LRBA: variants seen among roughly 807,000 people sequenced by gnomAD.
The protein encoded by LRBA is LPS responsive beige-like anchor protein, also known as lipopolysaccharide-responsive and beige-like anchor protein.
A neutral mutation model predicts 330.0 loss-of-function variants in LRBA; 176 were observed. The ratio of observed to expected loss-of-function variants is 0.53; its 90% CI spans 0.47 to 0.60. The LOEUF is 0.60. LRBA is among the 20% of genes least tolerant of loss of function. LRBA has a pLI of 0.00. For synonymous variants in LRBA, 1,230 were observed against 1,193.0 expected (o/e 1.03, Z -0.64); for missense variants, 3,259 against 3,444.8 (o/e 0.95, Z 1.35).
intron 47 of LRBA, among the ~76,000 whole-genome samples, chr4:150,394,884 C>T (rs1744507577): frequency 6.6e-6 from 1 of 152,132 alleles, no homozygotes; most frequent in African/African-American, 2.4e-5. Context: ...CAGTGAGTAC[C>T]TGAATAAACA....
chr4:150,870,538 C>G lies in LRBA; in HGVS notation c.2436G>C (p.Lys812Asn), dbSNP rs764962013. ...KQHPDPDSSVKIQNPQILKVI... is the reference protein window; with the variant it reads ...KQHPDPDSSVNIQNPQILKVI... ...TAAAATACATACGAGGGTTTTGTAT[C>G]TTCACTGAAGAATCAGGATCTGGAT... Residue 812 changes from lysine (K) to asparagine (N), a missense_variant, in exon 20 of 57, where the codon AAG (lysine) becomes AAC (asparagine). Lys to Asn is a moderately conservative substitution (Grantham distance 94). Coordinates refer to ENST00000651943, the MANE Select transcript of LRBA (RefSeq NM_001364905.1). 1.0e-5 allele frequency: 16 copies of G among 1,581,658 alleles called. 1 individual carries two copies. In the East Asian group the frequency reaches 3.6e-4, roughly 35 times the overall value.
chr4:150,415,408 G>A, intron 47 of LRBA, 30 bp downstream of exon 47: 1 of 1,602,742 alleles, frequency 6.2e-7, no homozygotes, highest in Non-Finnish European at 8.5e-7. Context: ...AAAAGCTCAT[G>A]ACAGACAGAG....
intron 7 of LRBA, 95 bp downstream of exon 7, chr4:150,916,306 C>T (rs2149489226): frequency 7.9e-7 from 1 of 1,260,684 alleles, no homozygotes; most frequent in Non-Finnish European, 1.1e-6. Flanking sequence ...CGAAGTTGTG[C>T]TTTAGCATGT....
At chr4:150,346,783 A>AAAAAAAAAAC (rs1736408222) in intron 48 of LRBA, among the ~76,000 whole-genome samples, 2 of 133,470 alleles carry the variant, frequency 1.5e-5, no homozygotes, top group African/African-American at 5.2e-5. Flanking sequence ...AAAAAAAAAA[A>AAAAAAAAAAC]AAAACACTTA....
intron 41 of LRBA, 29 bp from the exon 42 acceptor site, chr4:150,487,863 A>C (rs1433786458): frequency 8.0e-7 from 1 of 1,255,100 alleles, no homozygotes; most frequent in Non-Finnish European, 1.1e-6. Flanking sequence ...AAAAATTAGA[A>C]CACAGTATAA....
At chr4:150,455,964 C>A (rs915809491) in intron 44 of LRBA, among the ~76,000 whole-genome samples, 1 of 152,066 alleles carries the variant, frequency 6.6e-6, no homozygotes, top group Non-Finnish European at 1.5e-5. Context: ...AGCATAATGA[C>A]CTCTAGTTCT....
At chr4:150,800,954 C>G (rs543976453) in intron 33 of LRBA, among the ~76,000 whole-genome samples, 1 of 152,296 alleles carries the variant, frequency 6.6e-6, no homozygotes, top group Non-Finnish European at 1.5e-5. Context: ...AGATATATCA[C>G]TTCAGTGAAA....
At chr4:150,981,677 G>C (rs760472740) in intron 2 of LRBA, among the ~76,000 whole-genome samples, 1 of 151,710 alleles carries the variant, frequency 6.6e-6, no homozygotes, top group Non-Finnish European at 1.5e-5. Context: ...ACACACATTG[G>C]GGGCCGGACA....
intron 9 of LRBA, among the ~76,000 whole-genome samples, chr4:150,913,165 T>C (rs1007741595): frequency 1.3e-5 from 2 of 152,174 alleles, no homozygotes; most frequent in African/African-American, 4.8e-5. Flanking sequence ...GAATGTTCTG[T>C]GTGTGCTTAA....
intron 40 of LRBA, among the ~76,000 whole-genome samples, chr4:150,545,247 T>C (rs1238791805): frequency 1.3e-5 from 2 of 152,180 alleles, no homozygotes; most frequent in African/African-American, 2.4e-5. Flanking sequence ...AACTTTGGCA[T>C]ATATATGAGC....
chr4:150,501,774 G>A (rs750074338), intron 40 of LRBA, among the ~76,000 whole-genome samples: 2 of 152,074 alleles, frequency 1.3e-5, no homozygotes, highest in Admixed American at 6.5e-5. Flanking sequence ...GAGTAACAGG[G>A]CCTGGATTTA....
intron 37 of LRBA, among the ~76,000 whole-genome samples, chr4:150,667,960 T>C (rs1215836233): frequency 6.6e-6 from 1 of 152,212 alleles, no homozygotes; most frequent in Admixed American, 6.5e-5. Flanking sequence ...CCAGAACAAC[T>C]GTGTTATTCA....
chr4:150,945,676 C>T (rs1396857344), intron 2 of LRBA, among the ~76,000 whole-genome samples: 1 of 151,946 alleles, frequency 6.6e-6, no homozygotes, highest in Admixed American at 6.5e-5. Context: ...ATGACAATGT[C>T]AGTAATATAG....
At chr4:150,708,115 C>G (rs1452372785) in intron 36 of LRBA, among the ~76,000 whole-genome samples, 1 of 151,490 alleles carries the variant, frequency 6.6e-6, no homozygotes, top group African/African-American at 2.4e-5. Flanking sequence ...TCACAAGTAA[C>G]AGGCGCATCA....
rs770038706 is a variant in LRBA, at chr4:150,583,345, C to A, written c.6330+4703G>T. 1.2e-6 allele frequency: 2 copies of A among 1,614,064 alleles called. No individual in the cohort carries two copies. The highest frequency in any genetic ancestry group is 1.3e-5 in the African/African-American group (1 of 74,940). ...CGCAGTGCTCAAACTGAGCGATGGG[C>A]GGAAGCGGAGCATGTCTCTCTGGGT... is the stretch of plus-strand genomic sequence containing the variant. On this transcript the variant is annotated intron_variant, in intron 40 of 56. Coordinates refer to ENST00000651943, the MANE Select transcript of LRBA (RefSeq NM_001364905.1). This position sits in a 1 kb window ranked among gnomAD's most constrained non-coding sequence, Gnocchi z 9.8.
At chr4:150,639,809 GTGTGTGTGTGTA>G (rs1778419293) in intron 37 of LRBA, among the ~76,000 whole-genome samples, 9 of 6,120 alleles carry the variant, frequency 1.5e-3, no homozygotes, top group East Asian at 8.0e-3. Flanking sequence ...ATATATATGT[GTGTGTGTGTGTA>G]TATATATATA....
At chr4:150,869,388 C>A (rs2407549) in intron 20 of LRBA, among the ~76,000 whole-genome samples, 105,339 of 152,106 alleles carry the variant, frequency 0.69, 42,206 homozygotes, top group Non-Finnish European at 0.9. Flanking sequence ...TTTAAATCTC[C>A]AGAATTTAGC....
At chr4:150,329,195 G>C (rs943543054) in intron 48 of LRBA, among the ~76,000 whole-genome samples, 6 of 152,144 alleles carry the variant, frequency 3.9e-5, no homozygotes, top group Admixed American at 1.3e-4. Context: ...ATCTGAAAAG[G>C]CTGTGGAATT....
chr4:150,409,374 A>G (rs1454777260), intron 47 of LRBA, among the ~76,000 whole-genome samples: 5 of 152,116 alleles, frequency 3.3e-5, no homozygotes, highest in Admixed American at 3.3e-4. Context: ...CTAGGAAACT[A>G]ATAAAATAAC....
Sources: allele counts gnomAD v4.1 joint callset (sites outside exome capture counted in the v4.1 genomes callset), GRCh38; gene constraint gnomAD v4.1.1; non-coding constraint Gnocchi (gnomAD v3.1); transcripts MANE v1.5; gene names NCBI Gene and HGNC (gene_info 2026-07-23, HGNC 2026-07-21).